The following TOX variants were observed in gnomAD, a reference collection of about 807,000 sequenced individuals.
TOX encodes the protein thymocyte selection associated high mobility group box, also known as thymocyte selection-associated high mobility group box protein TOX.
Under a neutral mutation model 53.7 loss-of-function variants are expected in TOX, and 11 were observed. The ratio of observed to expected loss-of-function variants is 0.20; its 90% CI spans 0.13 to 0.34. The LOEUF is 0.34. Ranked by LOEUF, TOX falls within the 10% of genes least tolerant of loss-of-function variation. The probability of loss-of-function intolerance (pLI) is 1.00; values close to 1 mark genes in which losing one functional copy is unlikely to be tolerated. For missense variants in TOX, 570 were observed against 664.6 expected, an observed-to-expected ratio of 0.86 and a Z score of 1.56; for synonymous variants, 225 against 245.3, an observed-to-expected ratio of 0.92 and a Z score of 0.77.
chr8:59,108,593 A>G (rs898193223), intron 1 of TOX, among the ~76,000 whole-genome samples: 5 of 152,150 alleles, frequency 3.3e-5, no homozygotes, highest in Non-Finnish European at 7.4e-5. Context: ...TGATGGAAAC[A>G]TAGTTGAGTT....
At chr8:58,967,871 A>C (rs1373337105) in intron 1 of TOX, among the ~76,000 whole-genome samples, 3 of 152,136 alleles carry the variant, frequency 2.0e-5, no homozygotes, top group Non-Finnish European at 2.9e-5. Flanking sequence ...CTTTCTGGGA[A>C]CCTGAACTAA....
At chr8:58,901,608 T>C (rs1811735766) in intron 3 of TOX, among the ~76,000 whole-genome samples, 1 of 152,158 alleles carries the variant, frequency 6.6e-6, no homozygotes. Flanking sequence ...TTGTCTAAAA[T>C]GAGTTATTTC....
Position 59,117,144 on chromosome 8 carries a change from G to C in TOX, c.102+1742C>G, listed in dbSNP as rs531808376. 3.9e-5 allele frequency among the ~76,000 whole-genome samples: 6 copies of C among 152,086 alleles called. No individual in the cohort carries two copies. The highest frequency in any genetic ancestry group is 5.9e-5 in the Non-Finnish European group (4 of 68,036). Reference sequence around the variant, plus strand: ...AAAATAGTTCTGAGCTTTTGGTTCCGGTAACTACAGTGGAATAAGTCTTTA... The same window carrying C: ...AAAATAGTTCTGAGCTTTTGGTTCCCGTAACTACAGTGGAATAAGTCTTTA... On this transcript the variant is annotated intron_variant, in intron 1 of 8. Transcript: ENST00000361421. The surrounding 1 kb of genome is among the most constrained non-coding windows in gnomAD (Gnocchi z 4.6).
rs182485143 is a variant in TOX, at chr8:59,110,130, T to C, written c.102+8756A>G. Among the ~76,000 whole-genome samples the C allele has an allele frequency of 3.6e-3, 547 of 152,302 alleles. 3 individuals are homozygous for C. The highest frequency in any genetic ancestry group is 0.012 in the African/African-American group (517 of 41,586). The stretch of plus-strand genomic sequence containing the variant: ...TAGCCTTAGTAACTGAACATAGCTC[T>C]GAGAGTCCATTATGAACAGTCTTTT... On this transcript the variant is annotated intron_variant, in intron 1 of 8. Transcript: ENST00000361421.
chr8:59,023,274 A>G (rs1018205913), intron 1 of TOX, among the ~76,000 whole-genome samples: 1 of 146,936 alleles, frequency 6.8e-6, no homozygotes, highest in Non-Finnish European at 1.5e-5. Context: ...GCCTGTTACT[A>G]TGATAATCCC....
At chr8:59,091,866 G>A (rs1804612997) in intron 1 of TOX, among the ~76,000 whole-genome samples, 2 of 151,944 alleles carry the variant, frequency 1.3e-5, no homozygotes, top group African/African-American at 4.8e-5. Flanking sequence ...CTAGATCAAT[G>A]GTTTTCAAAC....
At chr8:59,013,967 T>C (rs1480024958) in intron 1 of TOX, among the ~76,000 whole-genome samples, 1 of 152,190 alleles carries the variant, frequency 6.6e-6, no homozygotes, top group Non-Finnish European at 1.5e-5. Flanking sequence ...CCAAATCCTG[T>C]ATGCATTTAT....
intron 3 of TOX, among the ~76,000 whole-genome samples, chr8:58,887,739 C>T (rs1364627690): frequency 6.6e-6 from 1 of 151,848 alleles, no homozygotes; most frequent in Non-Finnish European, 1.5e-5. Context: ...CTTTCTTCTG[C>T]CTTTCTTAAG....
intron 5 of TOX, among the ~76,000 whole-genome samples, chr8:58,836,297 T>C (rs2129166751): frequency 6.6e-6 from 1 of 152,252 alleles, no homozygotes; most frequent in East Asian, 1.9e-4. Flanking sequence ...ACCCTGATTG[T>C]CCAACATCAG....
chr8:58,896,241 C>T (rs867530229), intron 3 of TOX, among the ~76,000 whole-genome samples: 3 of 152,060 alleles, frequency 2.0e-5, no homozygotes, highest in Admixed American at 6.6e-5. Flanking sequence ...TGCATAAGGA[C>T]GCAGACAATA....
chr8:59,095,871 A>G (rs1391131420), intron 1 of TOX, among the ~76,000 whole-genome samples: 1 of 152,208 alleles, frequency 6.6e-6, no homozygotes, highest in East Asian at 1.9e-4. Flanking sequence ...GATGTGTTGT[A>G]GAATAGATGT....
At chr8:58,935,607 G>C (rs992845781) in intron 3 of TOX, among the ~76,000 whole-genome samples, 1 of 152,108 alleles carries the variant, frequency 6.6e-6, no homozygotes, top group Non-Finnish European at 1.5e-5. Flanking sequence ...TCATTTCGAG[G>C]TGGGCAACAT....
chr8:58,976,398 T>G (rs1176486167), intron 1 of TOX, among the ~76,000 whole-genome samples: 1 of 152,230 alleles, frequency 6.6e-6, no homozygotes, highest in Non-Finnish European at 1.5e-5. Context: ...ATGTTTAGGC[T>G]CTACTTCTAA....
chr8:58,924,975 C>T (rs1293162357), intron 3 of TOX, among the ~76,000 whole-genome samples: 1 of 152,158 alleles, frequency 6.6e-6, no homozygotes, highest in Non-Finnish European at 1.5e-5. Context: ...TTTGACTCCT[C>T]CTCTTCCTCA....
chr8:58,978,787 T>G (rs1027821097), intron 1 of TOX, among the ~76,000 whole-genome samples: 4 of 152,252 alleles, frequency 2.6e-5, no homozygotes, highest in African/African-American at 9.6e-5. Context: ...CCTGTTGGTA[T>G]TGTTCATTTT....
intron 1 of TOX, among the ~76,000 whole-genome samples, chr8:59,095,844 C>T (rs1804703723): frequency 6.6e-6 from 1 of 152,178 alleles, no homozygotes; most frequent in African/African-American, 2.4e-5. Context: ...CAGTGGTTTC[C>T]GGAATTCAGC....
intron 1 of TOX, among the ~76,000 whole-genome samples, chr8:59,026,450 T>C (rs1009181581): frequency 3.3e-5 from 5 of 152,186 alleles, no homozygotes; most frequent in African/African-American, 7.2e-5. Context: ...AGGGATGAGA[T>C]TGATCACTTT....
In TOX at chr8:58,865,115, C is replaced by T. The variant is rs142299684; in HGVS notation, c.412-13310G>A. 7.0e-4 allele frequency among the ~76,000 whole-genome samples: 107 copies of T among 152,224 alleles called. 1 individual carries two copies. Among genetic ancestry groups the T allele is most frequent in the Admixed American group, 9.2e-4 (14 of 15,276 alleles). On this transcript the variant is annotated intron_variant, in intron 3 of 8. Transcript: ENST00000361421. ...AGGAAGGTGGTGGATGGGTGAGACA[C>T]TGAGGAGATGTTGACCTTAAAGACC...
chr8:58,898,424 C>A (rs181863432), intron 3 of TOX, among the ~76,000 whole-genome samples: 58 of 152,284 alleles, frequency 3.8e-4, no homozygotes, highest in South Asian at 6.2e-4. Flanking sequence ...AACGTAACTG[C>A]TAATGCATTA....
Sources: allele counts gnomAD v4.1 joint callset (sites outside exome capture counted in the v4.1 genomes callset), GRCh38; gene constraint gnomAD v4.1.1; non-coding constraint Gnocchi (gnomAD v3.1); transcripts MANE v1.5; gene names NCBI Gene and HGNC (gene_info 2026-07-23, HGNC 2026-07-21).